The following DLG2 variants were observed in gnomAD, a reference collection of about 807,000 sequenced individuals.
The protein encoded by DLG2 is disks large homolog 2.
In DLG2, 45 loss-of-function variants were observed where a neutral mutation model predicts 132.5. The ratio of observed to expected loss-of-function variants is 0.34; its 90% confidence interval spans 0.27 to 0.44. The LOEUF is 0.44. Ranked by LOEUF, DLG2 falls within the 20% of genes least tolerant of loss-of-function variation. DLG2 has a pLI of 1.00. For synonymous variants in DLG2, 424 were observed against 419.6 expected, an observed-to-expected ratio of 1.01 and a Z score of -0.13; for missense variants, 1,045 against 1,196.9, an observed-to-expected ratio of 0.87 and a Z score of 1.87.
chr11:85,271,458 G>T (rs2077523768), intron 4 of DLG2, among the ~76,000 whole-genome samples: 1 of 152,228 alleles, frequency 6.6e-6, no homozygotes, highest in Non-Finnish European at 1.5e-5. Flanking sequence ...GTGCTGTCTA[G>T]TGGAGCTGTG....
At chr11:84,140,408 A>T (rs2094792021) in intron 9 of DLG2, among the ~76,000 whole-genome samples, 1 of 152,178 alleles carries the variant, frequency 6.6e-6, no homozygotes, top group Non-Finnish European at 1.5e-5. Flanking sequence ...GTAAAACAAT[A>T]ATGCTGCATG....
chr11:83,850,857 T>A (rs1049345300), intron 16 of DLG2, among the ~76,000 whole-genome samples: 1 of 152,300 alleles, frequency 6.6e-6, no homozygotes, highest in South Asian at 2.1e-4. Flanking sequence ...CTGCATTATG[T>A]GTTGAATTTT....
At chr11:83,499,593 T>C (rs954654314) in intron 21 of DLG2, among the ~76,000 whole-genome samples, 4 of 151,326 alleles carry the variant, frequency 2.6e-5, no homozygotes, top group Admixed American at 1.3e-4. Flanking sequence ...GCTTTTTTTT[T>C]CCCTTTCAAC....
intron 7 of DLG2, among the ~76,000 whole-genome samples, chr11:84,349,004 T>C (rs548442559): frequency 2.2e-4 from 34 of 152,284 alleles, no homozygotes; most frequent in African/African-American, 7.7e-4. Context: ...AACATTACCA[T>C]TGCTTAAGCC....
intron 16 of DLG2, among the ~76,000 whole-genome samples, chr11:83,867,372 T>C (rs187603946): frequency 1.3e-5 from 2 of 152,280 alleles, no homozygotes; most frequent in African/African-American, 4.8e-5. Context: ...TAAATTAAAA[T>C]ATACAATATT....
At chr11:84,140,650 G>A (rs1320948096) in intron 9 of DLG2, among the ~76,000 whole-genome samples, 1 of 152,008 alleles carries the variant, frequency 6.6e-6, no homozygotes, top group Non-Finnish European at 1.5e-5. Context: ...GGAGAAGTAT[G>A]GCTTATTTCC....
chr11:84,037,117 AG>A (rs1202339846), intron 11 of DLG2, among the ~76,000 whole-genome samples: 41 of 152,182 alleles, frequency 2.7e-4, no homozygotes, highest in African/African-American at 9.9e-4. Flanking sequence ...TCCATGTAAC[AG>A]GTAATATACC....
chr11:84,619,510 A>G (rs949652816), intron 6 of DLG2, among the ~76,000 whole-genome samples: 4 of 151,716 alleles, frequency 2.6e-5, no homozygotes, highest in African/African-American at 9.7e-5. Flanking sequence ...AATTAAAACA[A>G]AAATAGTAAG....
chr11:83,706,873 G>T (rs986937033), intron 18 of DLG2, among the ~76,000 whole-genome samples: 1 of 152,152 alleles, frequency 6.6e-6, no homozygotes, highest in African/African-American at 2.4e-5. Context: ...AGTTAGTTTG[G>T]CAGAAAAAAT....
intron 19 of DLG2, among the ~76,000 whole-genome samples, chr11:83,611,244 C>T (rs368708434): frequency 4.0e-5 from 6 of 151,022 alleles, no homozygotes; most frequent in Non-Finnish European, 8.8e-5. Flanking sequence ...CCCTTTTGAA[C>T]GTAAAAGGAA....
chr11:85,392,375 T>A (rs1029560753), intron 3 of DLG2, among the ~76,000 whole-genome samples: 2 of 151,430 alleles, frequency 1.3e-5, no homozygotes, highest in African/African-American at 4.9e-5. Flanking sequence ...AAGCAATCTA[T>A]GAATTCAATG....
chr11:85,399,519 G>A (rs914819379), intron 3 of DLG2, among the ~76,000 whole-genome samples: 64 of 152,222 alleles, frequency 4.2e-4, no homozygotes, highest in African/African-American at 1.5e-3. Flanking sequence ...CACGCTACCT[G>A]ACTTCAAACT....
intron 18 of DLG2, among the ~76,000 whole-genome samples, chr11:83,681,436 A>C (rs147483077): frequency 7.2e-5 from 11 of 152,330 alleles, no homozygotes; most frequent in African/African-American, 2.2e-4. Context: ...GAAAACAGCC[A>C]GCCACAAGTC....
At chr11:84,116,097 T>TA (rs1319433968) in intron 9 of DLG2, among the ~76,000 whole-genome samples, 1 of 152,202 alleles carries the variant, frequency 6.6e-6, no homozygotes, top group Non-Finnish European at 1.5e-5. Flanking sequence ...GTTGGAAACT[T>TA]AATCCGCAGT....
At chr11:84,375,486 C>A (rs1567456795) in intron 7 of DLG2, among the ~76,000 whole-genome samples, 1 of 151,902 alleles carries the variant, frequency 6.6e-6, no homozygotes, top group African/African-American at 2.4e-5. Context: ...TTTTTTATAC[C>A]TTAATTTATC....
chr11:84,996,607 G>T (rs2057674248), intron 6 of DLG2, among the ~76,000 whole-genome samples: 1 of 152,070 alleles, frequency 6.6e-6, no homozygotes, highest in Admixed American at 6.6e-5. Context: ...ATGTCCTATA[G>T]CAGTGACAAA....
chr11:85,134,780 AAAG>A (rs1326155342), intron 5 of DLG2, among the ~76,000 whole-genome samples: 2 of 152,128 alleles, frequency 1.3e-5, no homozygotes, highest in East Asian at 1.9e-4. Context: ...CTGAGGAAAA[AAAG>A]AAGAAAAGAC....
chr11:84,075,237 C>T (rs955338550), intron 10 of DLG2, among the ~76,000 whole-genome samples: 8 of 152,174 alleles, frequency 5.3e-5, no homozygotes, highest in African/African-American at 1.9e-4. Context: ...TCATTTTCTG[C>T]ATAGCATTTA....
chr11:83,502,368 T>A (rs11601771), intron 21 of DLG2, among the ~76,000 whole-genome samples: 1 of 151,916 alleles, frequency 6.6e-6, no homozygotes, highest in Non-Finnish European at 1.5e-5. Context: ...AGTGTGCATT[T>A]TACTCTGCTC....
Sources: gnomAD v4.1 joint callset for allele counts (sites outside exome capture counted in the v4.1 genomes callset) on GRCh38, gnomAD v4.1.1 for gene constraint, MANE v1.5 for transcripts, NCBI Gene and HGNC (gene_info 2026-07-23, HGNC 2026-07-21) for gene names.